The following FER1L5 variants were observed in gnomAD, a reference collection of about 807,000 sequenced individuals.
FER1L5 encodes fer-1-like protein 5.
In FER1L5, 187 loss-of-function variants were observed where a neutral mutation model predicts 279.9. The ratio of observed to expected loss-of-function variants is 0.67; its 90% CI spans 0.59 to 0.75. The LOEUF (loss-of-function observed/expected upper bound fraction) is 0.75, where lower values mean the gene tolerates loss of function less well. Among genes scored for constraint, FER1L5 ranks in the 30% least tolerant of loss-of-function variants. The pLI is 0.00. For synonymous variants in FER1L5, 921 were observed against 989.7 expected, an observed-to-expected ratio of 0.93 and a Z score of 1.30; for missense variants, 2,091 against 2,594.4, an observed-to-expected ratio of 0.81 and a Z score of 4.21.
At position 96,685,443 on chromosome 2, in the gene FER1L5, C is replaced by CG; in HGVS notation, c.1895+14_1895+15insG. ...AGAGGACTGCAAGTAGGAGTAGGGG[C>CG]ACTCCGGGATACAGCTGGCCTGGAG... On this transcript the variant is annotated intron_variant, in intron 21 of 52. Transcript: ENST00000624922. 3 of 1,544,602 alleles carry CG rather than the reference C, an allele frequency of 1.9e-6. No homozygotes were observed. Among genetic ancestry groups the CG allele is most frequent in the Non-Finnish European group, 2.6e-6 (3 of 1,142,466 alleles).
intron 6 of FER1L5, among the ~76,000 whole-genome samples, chr2:96,651,503 T>C (rs2075380918): frequency 6.7e-6 from 1 of 149,488 alleles, no homozygotes; most frequent in South Asian, 2.2e-4. Context: ...TTTCTTTCTG[T>C]CTTTCTTCTC....
At chr2:96,663,565 T>C in intron 14 of FER1L5, 58 bp downstream of exon 14, 1 of 1,532,946 alleles carries the variant, frequency 6.5e-7, no homozygotes, top group Non-Finnish European at 8.8e-7. Context: ...AGAAGGGAAG[T>C]TTGGATGATT....
In FER1L5 at chr2:96,689,121, T is replaced by A; in HGVS notation, c.2362-92T>A. On this transcript the variant is annotated intron_variant, in intron 24 of 52. Transcript: ENST00000624922. The surrounding 1 kb of genome is among the most constrained non-coding windows in gnomAD (Gnocchi z 4.6). ...GGCTACCACATTTTTAGGATGCCCC[T>A]GCAGCCCAGAGTCAGGGGGCCCAGG... 1 of 1,425,522 alleles carries A rather than the reference T, an allele frequency of 7.0e-7. No individual in the cohort carries two copies. Among genetic ancestry groups the A allele is most frequent in the East Asian group, 2.5e-5 (1 of 39,352 alleles). The allele number at this position is 1,425,522 out of a possible 1,614,324, so 88.3% of individuals were successfully genotyped here. A position where few individuals can be genotyped will look rare whatever the true frequency, so the allele number is the denominator to read the frequency against.
chr2:96,689,781 C>A lies in FER1L5; in HGVS notation c.2640+23C>A. On this transcript the variant is annotated intron_variant, in intron 26 of 52. Transcript: ENST00000624922. The surrounding 1 kb of genome is among the most constrained non-coding windows in gnomAD (Gnocchi z 4.6). ...GTGGTGAGCAGGGCCGAAGCTGCCT[C>A]GGGTTAGGGGGCAAGCAAGGCCACC... is the stretch of plus-strand genomic sequence containing the variant. 1 of 1,527,464 alleles carries A rather than the reference C, an allele frequency of 6.5e-7. No individual in the cohort carries two copies. Among genetic ancestry groups the A allele is most frequent in the Non-Finnish European group, 8.8e-7 (1 of 1,134,486 alleles). 94.6% of individuals were successfully genotyped at this position (1,527,464 alleles called of 1,614,324 possible).
In FER1L5 at chr2:96,647,768, G is replaced by A; in HGVS notation, c.231-10G>A. Reference sequence around the variant, plus strand: ...GCTCAGGATCTCACATCTGCTCCTTGTCTCCCCAGATTCATTGGCCTGGCC... The same window carrying A: ...GCTCAGGATCTCACATCTGCTCCTTATCTCCCCAGATTCATTGGCCTGGCC... On this transcript the variant is annotated splice_polypyrimidine_tract_variant and intron_variant, in intron 3 of 52. Coordinates refer to ENST00000624922, the MANE Select transcript of FER1L5 (RefSeq NM_001293083.2). 6.5e-7 allele frequency: 1 copy of A among 1,545,908 alleles called. No homozygotes were observed. The highest frequency in any genetic ancestry group is 8.8e-7 in the Non-Finnish European group (1 of 1,141,784).
Position 96,653,636 on chromosome 2 carries a change from T to C in FER1L5, c.634-4T>C. 6.4e-7 allele frequency: 1 copy of C among 1,551,182 alleles called. No homozygotes were observed. Among genetic ancestry groups the C allele is most frequent in the Non-Finnish European group, 8.7e-7 (1 of 1,146,542 alleles). On this transcript the variant is annotated splice_polypyrimidine_tract_variant and splice_region_variant and intron_variant, in intron 7 of 52. Transcript: ENST00000624922. ...CCACTCTACCCCAATTCTCTTTGCC[T>C]CAGATCTTCTTCCAGAATTTTCATG...
In FER1L5 at chr2:96,696,346, G is replaced by A. The variant is rs533561818; in HGVS notation, c.4083+269G>A. ...TTGCTCTTGTTGCCCAGGCTGGAGT[G>A]CAGTGGCACAATCTTGGCTCACTGC... is the stretch of plus-strand genomic sequence containing the variant. On this transcript the variant is annotated intron_variant, in intron 37 of 52. Transcript: ENST00000624922. Among the ~76,000 whole-genome samples the A allele has an allele frequency of 6.6e-5, 10 of 151,820 alleles. No homozygotes were observed. The South Asian group carries it at 2.1e-3, about 32-fold the overall frequency.
chr2:96,659,326 C>T lies in FER1L5; in HGVS notation c.748-1015C>T, dbSNP rs894397882. On this transcript the variant is annotated intron_variant, in intron 9 of 52. Transcript: ENST00000624922. ...CCTTCCTTCCTTCCTTCCTTCCTTC[C>T]TTCCTTCCTTCCTTCCTTCCTTCCT... Among the ~76,000 whole-genome samples the T allele has an allele frequency of 2.6e-4, 19 of 73,406 alleles. 1 individual carries two copies. Among genetic ancestry groups the T allele is most frequent in the South Asian group, 1.2e-3 (1 of 836 alleles). 48.2% of individuals were successfully genotyped at this position (73,406 alleles called of 152,430 possible). A position where few individuals can be genotyped will look rare whatever the true frequency, so the allele number is the denominator to read the frequency against.
rs1042053205 is a variant in FER1L5, at chr2:96,698,562, C to T, written c.4357-109C>T. 3.6e-5 allele frequency: 35 copies of T among 959,422 alleles called. No homozygotes were observed. The highest frequency in any genetic ancestry group is 5.3e-5 in the Non-Finnish European group (34 of 642,518). The allele number at this position is 959,422 out of a possible 1,614,324, so 59.4% of individuals were successfully genotyped here. On this transcript the variant is annotated intron_variant, in intron 40 of 52. Transcript: ENST00000624922. This position sits in a 1 kb window ranked among gnomAD's most constrained non-coding sequence, Gnocchi z 5.5. ...CTCATGGCCTTCTATCCCTGCCACC[C>T]TCAGCCCAACCCTCTCTCTCCTGAA...
intron 14 of FER1L5, among the ~76,000 whole-genome samples, chr2:96,668,432 G>A (rs1229811911): frequency 6.6e-6 from 1 of 152,148 alleles, no homozygotes; most frequent in Non-Finnish European, 1.5e-5. Context: ...TACTCAGGAG[G>A]CTGAGGCGGG....
At chr2:96,700,869 A>G (rs1050994099) in intron 45 of FER1L5, among the ~76,000 whole-genome samples, 11 of 152,208 alleles carry the variant, frequency 7.2e-5, no homozygotes, top group Admixed American at 1.3e-4. Context: ...TTCACAGCAA[A>G]TAACCCCAAA....
chr2:96,693,194 A>G (rs1314425134), intron 31 of FER1L5, among the ~76,000 whole-genome samples: 5 of 151,828 alleles, frequency 3.3e-5, no homozygotes, highest in African/African-American at 4.8e-5. Context: ...AGAGAAAAAA[A>G]AAAAAGGGCA....
chr2:96,649,526 G>A (rs1011118049), intron 4 of FER1L5, 97 bp from the exon 5 acceptor site: 5 of 1,133,014 alleles, frequency 4.4e-6, no homozygotes, highest in Non-Finnish European at 6.4e-6. Context: ...CCCACCAGGA[G>A]GACCAGGTGT....
chr2:96,669,665 C>G (rs985172077), intron 17 of FER1L5, among the ~76,000 whole-genome samples: 6 of 152,142 alleles, frequency 3.9e-5, no homozygotes, highest in East Asian at 1.9e-4. Flanking sequence ...CTCCTTCCCC[C>G]CTGCCTCATT....
At chr2:96,687,988 G>A (rs868168) in intron 24 of FER1L5, 41 bp downstream of exon 24, 471,691 of 1,547,372 alleles carry the variant, frequency 0.3, 76,961 homozygotes, top group Non-Finnish European at 0.33. Flanking sequence ...GCAGGCACGC[G>A]GGGGTGGGGG....
chr2:96,668,793 T>G lies in FER1L5; in HGVS notation c.1183T>G (p.Cys395Gly). 1.3e-6 allele frequency: 2 copies of G among 1,551,664 alleles called. No homozygotes were observed. The highest frequency in any genetic ancestry group is 2.4e-5 in the South Asian group (2 of 84,058). Reference protein sequence around the residue: ...SSYIKFRVLDCRKKDCPDEIG... With the variant: ...SSYIKFRVLDGRKKDCPDEIG... ...CTACATCAAGTTCAGAGTCTTGGAC[T>G]GGTGAGCAACCTGGTGGAGGCTGAA... The change falls in exon 15 of 53, where the codon TGC becomes GGC. Residue 395 changes from cysteine (C) to glycine (G), a missense_variant and splice_region_variant. Physicochemically the swap from Cys to Gly is radical, Grantham distance 159 (BLOSUM62 -3). Transcript: ENST00000624922.
intron 4 of FER1L5, among the ~76,000 whole-genome samples, chr2:96,648,374 G>A (rs143974817): frequency 6.6e-5 from 10 of 152,338 alleles, no homozygotes; most frequent in African/African-American, 2.2e-4. Context: ...CTCGGTCATC[G>A]TCATTTGTGT....
rs2077706873 is a variant in FER1L5 at position 96,704,354 on chromosome 2, T to A, written c.5941T>A (p.Ser1981Thr). 6.2e-7 allele frequency: 1 copy of A among 1,613,906 alleles called. No individual in the cohort carries two copies. Among genetic ancestry groups the A allele is most frequent in the African/African-American group, 1.3e-5 (1 of 75,012 alleles). ...ACTTATGCTGTTTAACTTCATCTAT[T>A]CAGCTCCGGTGAGTGGCAGCCATGG... is the stretch of plus-strand genomic sequence containing the variant. Reference protein sequence around the residue: ...IALMLFNFIYSAPHYLAMSWI... With the variant: ...IALMLFNFIYTAPHYLAMSWI... Residue 1981 changes from serine (S) to threonine (T), a missense_variant, in exon 52 of 53, where the codon TCA becomes ACA. Physicochemically the swap from Ser to Thr is moderately conservative, Grantham distance 58 (BLOSUM62 1). Coordinates refer to ENST00000624922, the MANE Select transcript of FER1L5 (RefSeq NM_001293083.2).
chr2:96,695,326 C>A, intron 34 of FER1L5, 183 bp from the exon 35 acceptor site: 5 of 768,604 alleles, frequency 6.5e-6, no homozygotes, highest in South Asian at 2.1e-5. Context: ...AGCACTGATC[C>A]CTCACAGGAC....
Sources: gnomAD v4.1 joint callset for allele counts (sites outside exome capture counted in the v4.1 genomes callset) on GRCh38, gnomAD v4.1.1 for gene constraint, Gnocchi (gnomAD v3.1) non-coding constraint, MANE v1.5 for transcripts, NCBI Gene and HGNC (gene_info 2026-07-23, HGNC 2026-07-21) for gene names.